Variants in RFC5 observed in about 807,000 individuals in gnomAD.
The protein encoded by RFC5 is replication factor C subunit 5.
RFC5 carries 26 observed loss-of-function variants against 44.3 expected under a neutral mutation model. The observed-to-expected ratio is 0.59, with a 90% CI of 0.43 to 0.81. The LOEUF (loss-of-function observed/expected upper bound fraction) is 0.81, where lower values mean the gene tolerates loss of function less well. RFC5 is among the 40% of genes least tolerant of loss of function. The pLI, the probability that RFC5 is intolerant of heterozygous loss-of-function variation, is 0.00. For synonymous variants in RFC5, 155 were observed against 155.2 expected (o/e 1.00, Z 0.01); for missense variants, 328 against 418.6 (o/e 0.78, Z 1.89).
chr12:118,033,923 G>A (rs2031438257), downstream of RFC5: 2 of 434,834 alleles, frequency 4.6e-6, no homozygotes, highest in Non-Finnish European at 8.4e-6. Context: ...AGCAGAAAGA[G>A]TTCAACACTT....
In RFC5 at chr12:118,024,211, C is replaced by T. The variant is rs544515821; in HGVS notation, c.422-640C>T. Among the ~76,000 whole-genome samples, 29 of 151,836 alleles carry T rather than the reference C, an allele frequency of 1.9e-4. 1 individual carries two copies. The highest frequency in any genetic ancestry group is 8.4e-4 in the South Asian group (4 of 4,786). On this transcript the variant is annotated intron_variant, in intron 5 of 10. Transcript: ENST00000454402. ...AAAAAATTAGCCGGGCGTGGTGGCA[C>T]GTGTCTGTAGTCCCAGCTACTCAGG...
intron 5 of RFC5, among the ~76,000 whole-genome samples, chr12:118,023,713 C>G (rs1424995588): frequency 2.0e-5 from 3 of 152,044 alleles, no homozygotes; most frequent in South Asian, 4.1e-4. Flanking sequence ...GGCCTCCAGA[C>G]AGTCTCCATG....
intron 9 of RFC5, among the ~76,000 whole-genome samples, chr12:118,029,386 G>A (rs2031169010): frequency 6.6e-6 from 1 of 152,102 alleles, no homozygotes; most frequent in Admixed American, 6.5e-5. Context: ...CCATGCCATG[G>A]CACTCCAGCC....
At chr12:118,034,595 G>T, downstream of RFC5, 1 of 414,950 alleles carries the variant, frequency 2.4e-6, no homozygotes, top group Non-Finnish European at 4.1e-6. Context: ...CTCTCTCTCG[G>T]CACAGCCCTT....
chr12:118,028,312 C>T (rs1223768620), intron 9 of RFC5, among the ~76,000 whole-genome samples: 1 of 151,896 alleles, frequency 6.6e-6, no homozygotes, highest in African/African-American at 2.4e-5. Context: ...GGTGAAACCC[C>T]GTCTCTACTA....
chr12:118,036,662 G>A (rs1359692687), downstream of RFC5: 16 of 819,274 alleles, frequency 2.0e-5, no homozygotes, highest in South Asian at 9.7e-5. Context: ...AACGTGTGGT[G>A]TAGGTTTAAA....
chr12:118,034,170 C>A, downstream of RFC5: 1 of 1,613,620 alleles, frequency 6.2e-7, no homozygotes, highest in Non-Finnish European at 8.5e-7. Flanking sequence ...TACCCTGCTA[C>A]AAAGAAGCAC....
At chr12:118,029,613 A>C (rs568421948) in intron 9 of RFC5, among the ~76,000 whole-genome samples, 158 bp from the exon 10 acceptor site, 6 of 151,928 alleles carry the variant, frequency 3.9e-5, no homozygotes, top group Non-Finnish European at 1.5e-5. Context: ...TGAAACCAGC[A>C]CTGTTTCTAC....
the RFC5 span, among the ~76,000 whole-genome samples, chr12:118,041,112 G>A: frequency 6.6e-6 from 1 of 152,318 alleles, no homozygotes; most frequent in Non-Finnish European, 1.5e-5. Flanking sequence ...GCCTTCAGAT[G>A]AGGATGCATG....
intron 3 of RFC5, among the ~76,000 whole-genome samples, chr12:118,020,058 C>T (rs529557683): frequency 6.6e-6 from 1 of 152,260 alleles, no homozygotes; most frequent in African/African-American, 2.4e-5. Context: ...TGCCATGGCC[C>T]CTCTAGATCA....
Position 118,032,222 on chromosome 12 carries a change from A to G in RFC5, c.*944A>G, listed in dbSNP as rs2031363815. The stretch of plus-strand genomic sequence containing the variant: ...ATATCACAGAATAAACTTTCTTTAG[A>G]TGCTGTTCTTTATAAAATGTCAAAT... On this transcript the variant is annotated 3_prime_UTR_variant, in exon 11 of 11. Transcript: ENST00000454402. 6.6e-6 allele frequency: 1 copy of G among 152,236 alleles called. No homozygotes were observed. The highest frequency in any genetic ancestry group is 1.5e-5 in the Non-Finnish European group (1 of 68,042). The allele number at this position is 152,236 out of a possible 1,614,324, so 9.4% of individuals were successfully genotyped here. A position where few individuals can be genotyped will look rare whatever the true frequency, so the allele number is the denominator to read the frequency against.
Position 118,026,891 on chromosome 12 carries a change from C to T in RFC5, c.666C>T (p.Ser222=). Residue 222 remains serine (S), a splice_region_variant and synonymous_variant, in exon 8 of 11, where the codon AGC becomes AGT. Transcript: ENST00000454402. ...DMRRALNILQ[S]TNMAFGKVTE... Reference sequence around the variant, plus strand: ...CCTTTCCCCCTCTGTCTACACAGAGCACCAATATGGCCTTTGGGAAGGTGA... The same window carrying T: ...CCTTTCCCCCTCTGTCTACACAGAGTACCAATATGGCCTTTGGGAAGGTGA... 6.2e-7 allele frequency: 1 copy of T among 1,613,916 alleles called. No homozygotes were observed. Among genetic ancestry groups the T allele is most frequent in the Non-Finnish European group, 8.5e-7 (1 of 1,179,934 alleles).
chr12:118,026,327 G>T (rs994300664), intron 7 of RFC5, among the ~76,000 whole-genome samples: 3 of 152,086 alleles, frequency 2.0e-5, no homozygotes, highest in African/African-American at 7.2e-5. Context: ...TGCAGGCCAG[G>T]TATGGTGGCT....
At chr12:118,041,186 C>T in the RFC5 span, among the ~76,000 whole-genome samples, 1 of 152,208 alleles carries the variant, frequency 6.6e-6, no homozygotes, top group Non-Finnish European at 1.5e-5. Context: ...ACATAAAGCC[C>T]TAATCCCCAA....
intron 10 of RFC5, among the ~76,000 whole-genome samples, chr12:118,030,639 T>A (rs1015240756): frequency 2.6e-5 from 4 of 152,160 alleles, no homozygotes; most frequent in African/African-American, 9.7e-5. Flanking sequence ...TGACACCTAA[T>A]AATTTATTTC....
At chr12:118,024,816 C>T in intron 5 of RFC5, 35 bp from the exon 6 acceptor site, 1 of 1,573,240 alleles carries the variant, frequency 6.4e-7, no homozygotes, top group South Asian at 1.2e-5. Flanking sequence ...TCAGAATGGA[C>T]TTTGACATGA....
rs2031360200 is a variant in RFC5, at chr12:118,032,171, A to G, written c.*893A>G. 6.6e-6 allele frequency: 1 copy of G among 152,236 alleles called. No individual in the cohort carries two copies. The highest frequency in any genetic ancestry group is 1.5e-5 in the Non-Finnish European group (1 of 68,040). The allele number at this position is 152,236 out of a possible 1,614,324, so 9.4% of individuals were successfully genotyped here. On this transcript the variant is annotated 3_prime_UTR_variant, in exon 11 of 11. Coordinates refer to ENST00000454402, the MANE Select transcript of RFC5 (RefSeq NM_007370.7). ...AAGATGCTGACTTTGTCAAACTTGC[A>G]TTTATATGAAAACCTTCTGTCTCTA...
downstream of RFC5, chr12:118,035,396 C>G (rs1167367251): frequency 7.1e-7 from 1 of 1,417,422 alleles, no homozygotes; most frequent in African/African-American, 1.4e-5. Context: ...TCACCCTAGG[C>G]AGGAAGCCAA....
intron 10 of RFC5, among the ~76,000 whole-genome samples, chr12:118,030,423 C>T (rs1452550047): frequency 6.6e-6 from 1 of 152,044 alleles, no homozygotes; most frequent in Non-Finnish European, 1.5e-5. Context: ...TAAAAGGTGG[C>T]GAGATGAACT....
Sources: allele counts gnomAD v4.1 joint callset (sites outside exome capture counted in the v4.1 genomes callset), GRCh38; gene constraint gnomAD v4.1.1; transcripts MANE v1.5; gene names NCBI Gene and HGNC (gene_info 2026-07-23, HGNC 2026-07-21).